Variants in POLR2F observed in about 807,000 individuals in gnomAD.
POLR2F encodes the protein DNA-directed RNA polymerases I, II, and III subunit RPABC2.
A neutral mutation model predicts 22.7 loss-of-function variants in POLR2F; 12 were observed. The observed-to-expected ratio is 0.53, with a 90% CI of 0.34 to 0.86. The LOEUF (loss-of-function observed/expected upper bound fraction) is 0.86. Among genes scored for constraint, POLR2F ranks in the 40% least tolerant of loss-of-function variants. POLR2F has a pLI of 0.02. For synonymous variants in POLR2F, 57 were observed against 66.0 expected (o/e 0.86, Z 0.66); for missense variants, 126 against 171.5 (o/e 0.73, Z 1.48).
chr22:38,000,438 T>C (rs1196590225), intron 1 of POLR2F, among the ~76,000 whole-genome samples: 6 of 152,196 alleles, frequency 3.9e-5, no homozygotes. Context: ...GAAAATTCCT[T>C]ACTTATAGCT....
chr22:38,036,658 G>A (rs1200246670), intron 5 of POLR2F, among the ~76,000 whole-genome samples: 1 of 151,802 alleles, frequency 6.6e-6, no homozygotes, highest in Non-Finnish European at 1.5e-5. Flanking sequence ...AGAACTGTGG[G>A]TCTCTCAGTT....
At chr22:37,969,791 G>A (rs757056515), downstream of POLR2F, among the ~76,000 whole-genome samples, 1 of 152,132 alleles carries the variant, frequency 6.6e-6, no homozygotes, top group Non-Finnish European at 1.5e-5. Flanking sequence ...AGAGGAGATC[G>A]GGCACTAGCA....
downstream of POLR2F, among the ~76,000 whole-genome samples, chr22:38,028,731 C>A (rs2085038723): frequency 6.6e-6 from 1 of 152,112 alleles, no homozygotes; most frequent in Non-Finnish European, 1.5e-5. Flanking sequence ...GCAGCAACAG[C>A]CTGTCCCGCT....
chr22:38,016,759 G>A lies in POLR2F; in HGVS notation c.121-9110G>A, dbSNP rs994449523. On this transcript the variant is annotated intron_variant, in intron 1 of 2. Transcript: ENST00000333418. This position sits in a 1 kb window ranked among gnomAD's most constrained non-coding sequence, Gnocchi z 4.4. ...GGGGAGGGGGCGGGAGGGGGCCGCC[G>A]TCAATGCCCGCATTGTCCCCGCGCT... Among the ~76,000 whole-genome samples, 3 of 151,914 alleles carry A rather than the reference G, an allele frequency of 2.0e-5. No individual in the cohort carries two copies. The highest frequency in any genetic ancestry group is 4.8e-5 in the African/African-American group (2 of 41,342).
At position 37,968,556 on chromosome 22, in the gene POLR2F, T is replaced by A; in HGVS notation, c.*841T>A. The A allele has an allele frequency of 1.0e-6, 1 of 985,780 alleles. No homozygotes were observed. Among genetic ancestry groups the A allele is most frequent in the Middle Eastern group, 5.2e-4 (1 of 1,914 alleles). The allele number at this position is 985,780 out of a possible 1,614,324, so 61.1% of individuals were successfully genotyped here. ...AGTCAGAGCTGGAGTTCCCCCTTCC[T>A]CTGCCTGAGGTTCTAATGGGTCCTC... On this transcript the variant is annotated 3_prime_UTR_variant, in exon 5 of 5. Transcript: ENST00000442738.
intron 1 of POLR2F, among the ~76,000 whole-genome samples, chr22:37,996,027 T>C (rs976981549): frequency 6.6e-6 from 1 of 151,910 alleles, no homozygotes; most frequent in Non-Finnish European, 1.5e-5. Context: ...AGGAGGAGGC[T>C]GAGGGTTAGA....
At position 37,967,690 on chromosome 22, in the gene POLR2F, T is replaced by C; in HGVS notation, c.359T>C (p.Val120Ala). 2 of 1,613,618 alleles carry C rather than the reference T, an allele frequency of 1.2e-6. No homozygotes were observed. The highest frequency in any genetic ancestry group is 1.7e-6 in the Non-Finnish European group (2 of 1,179,820). ...GATGGGAGCTATGAAGACTGGGGGG[T>C]GGACGAGCTCATCATCACCGACTGA... ...LPDGSYEDWG[V>A]DELIITD The change falls in exon 5 of 5, where the codon GTG becomes GCG. Residue 120 changes from valine (V) to alanine (A), a missense_variant. Val to Ala is a moderately conservative substitution (Grantham distance 64). Transcript: ENST00000442738.
At chr22:37,983,896 G>T (rs1932489858), upstream of POLR2F, 1 of 944,512 alleles carries the variant, frequency 1.1e-6, no homozygotes, top group Non-Finnish European at 1.4e-6. This position sits in a 1 kb window ranked among gnomAD's most constrained non-coding sequence, Gnocchi z 9.5. Context: ...GCGATGGAGC[G>T]GCCGCGCGCG....
chr22:37,995,671 G>T (rs574623942), intron 1 of POLR2F, among the ~76,000 whole-genome samples: 3 of 152,170 alleles, frequency 2.0e-5, no homozygotes, highest in African/African-American at 7.2e-5. Context: ...AGGACAGAAT[G>T]GGGGGTAAAA....
At chr22:37,966,841 G>A (rs984180780) in intron 3 of POLR2F, among the ~76,000 whole-genome samples, 4 of 152,210 alleles carry the variant, frequency 2.6e-5, no homozygotes, top group African/African-American at 9.6e-5. Context: ...GGTTGGAGCA[G>A]TTAGAATGGT....
intron 1 of POLR2F, among the ~76,000 whole-genome samples, chr22:37,996,147 G>T (rs1014466747): frequency 6.6e-6 from 1 of 152,206 alleles, no homozygotes; most frequent in Non-Finnish European, 1.5e-5. Flanking sequence ...GGTTTAATGG[G>T]CAGCCAAGCC....
intron 2 of POLR2F, among the ~76,000 whole-genome samples, chr22:37,957,677 G>C (rs762666287): frequency 1.2e-4 from 19 of 152,228 alleles, no homozygotes; most frequent in Non-Finnish European, 2.4e-4. Context: ...TCCCTGTCAT[G>C]TAGATTGTGC....
chr22:37,956,644 TG>T, intron 1 of POLR2F, 128 bp from the exon 2 acceptor site: 2 of 717,404 alleles, frequency 2.8e-6, no homozygotes, highest in Admixed American at 2.3e-5. Context: ...CTTGAATTCC[TG>T]GCCTCAAGTG....
intron 3 of POLR2F, among the ~76,000 whole-genome samples, chr22:37,966,641 A>AGCTGGTG (rs1258983815): frequency 6.6e-6 from 1 of 151,954 alleles, no homozygotes; most frequent in East Asian, 1.9e-4. Flanking sequence ...AAATTAGCAT[A>AGCTGGTG]GCTGGTGGTG....
chr22:37,978,148 G>A lies in POLR2F; in HGVS notation c.293+10978G>A. On this transcript the variant is annotated intron_variant, in intron 4 of 4. Transcript: ENST00000405557. This position sits in a 1 kb window ranked among gnomAD's most constrained non-coding sequence, Gnocchi z 5.0. ...TTCGTTCAGCAGCCTGGGGTGTGGTGGGAGGCGGAGAGGACAGCAGAGGGG... is the reference window on the plus strand; with the variant it reads ...TTCGTTCAGCAGCCTGGGGTGTGGTAGGAGGCGGAGAGGACAGCAGAGGGG... 3 of 1,542,232 alleles carry A rather than the reference G, an allele frequency of 1.9e-6. No individual in the cohort carries two copies. The highest frequency in any genetic ancestry group is 1.7e-4 in the Middle Eastern group (1 of 5,810).
Position 37,953,820 on chromosome 22 carries a change from G to T in POLR2F, c.20+13G>T. ...ACAACGAGGACAAGTGAGTGCGGGA[G>T]CGGAGTGGCCTTTGCGGCAACCTTG... On this transcript the variant is annotated intron_variant, in intron 1 of 4. Coordinates refer to ENST00000442738, the MANE Select transcript of POLR2F (RefSeq NM_021974.5). The T allele has an allele frequency of 6.2e-7, 1 of 1,608,480 alleles. No homozygotes were observed.
chr22:37,993,906 G>A (rs1003170325), intron 1 of POLR2F, among the ~76,000 whole-genome samples: 1 of 152,046 alleles, frequency 6.6e-6, no homozygotes, highest in Non-Finnish European at 1.5e-5. Flanking sequence ...GGAGAATGGC[G>A]TGAACCCGAG....
upstream of POLR2F, chr22:37,983,683 G>C: frequency 6.4e-7 from 1 of 1,558,146 alleles, no homozygotes; most frequent in Non-Finnish European, 8.6e-7. The surrounding 1 kb of genome is among the most constrained non-coding windows in gnomAD (Gnocchi z 9.5). Flanking sequence ...CGCCGCCGCC[G>C]TCGGGCCCTA....
intron 2 of POLR2F, among the ~76,000 whole-genome samples, chr22:37,957,174 G>C (rs1231081193): frequency 6.6e-6 from 1 of 152,238 alleles, no homozygotes; most frequent in Non-Finnish European, 1.5e-5. Context: ...TGCTTAAGGA[G>C]CAAAGGGAAG....
Sources: allele counts gnomAD v4.1 joint callset (sites outside exome capture counted in the v4.1 genomes callset), GRCh38; gene constraint gnomAD v4.1.1; non-coding constraint Gnocchi (gnomAD v3.1); transcripts MANE v1.5; gene names NCBI Gene and HGNC (gene_info 2026-07-23, HGNC 2026-07-21).